The following RFC5 variants were observed in gnomAD, a reference collection of about 807,000 sequenced individuals.
RFC5 encodes A1 36 kDa subunit.
A neutral mutation model predicts 44.3 loss-of-function variants in RFC5; 26 were observed. The observed-to-expected ratio is 0.59, with a 90% CI of 0.43 to 0.81. The LOEUF (loss-of-function observed/expected upper bound fraction) is 0.81, where lower values mean the gene tolerates loss of function less well. RFC5 is among the 40% of genes least tolerant of loss of function. The pLI is 0.00. For synonymous variants in RFC5, 155 were observed against 155.2 expected (o/e 1.00, Z 0.01); for missense variants, 328 against 418.6 (o/e 0.78, Z 1.89).
chr12:118,030,278 A>G (rs1208370157), intron 10 of RFC5, among the ~76,000 whole-genome samples: 1 of 152,234 alleles, frequency 6.6e-6, no homozygotes, highest in African/African-American at 2.4e-5. Context: ...TTAAGTAGAC[A>G]GAGCATTGGG....
At chr12:118,034,696 C>T (rs1329126529), downstream of RFC5, 1 of 500,412 alleles carries the variant, frequency 2.0e-6, no homozygotes. Flanking sequence ...GGTCTTTTAG[C>T]CCTAAATGGT....
In RFC5 at chr12:118,019,090, A is replaced by G. The variant is rs375923650; in HGVS notation, c.84A>G (p.Pro28=). The G allele has an allele frequency of 1.2e-6, 2 of 1,611,770 alleles. No individual in the cohort carries two copies. The highest frequency in any genetic ancestry group is 2.7e-5 in the African/African-American group (2 of 74,898). ...RNLPWVEKYR[P]QTLNDLISHQ... ...ATTTCAGGGTTGAAAAATACCGGCCACAGACCCTGAATGATCTCATTTCTC... is the reference window on the plus strand; with the variant it reads ...ATTTCAGGGTTGAAAAATACCGGCCGCAGACCCTGAATGATCTCATTTCTC... Residue 28 remains proline, a synonymous_variant, in exon 2 of 11, where the codon CCA becomes CCG. Coordinates refer to ENST00000454402, the MANE Select transcript of RFC5 (RefSeq NM_007370.7). The surrounding 1 kb of genome is among the most constrained non-coding windows in gnomAD (Gnocchi z 4.2).
rs1430658406 is a variant in RFC5, at chr12:118,016,821, C to G, written c.-7C>G. 3 of 1,611,240 alleles carry G rather than the reference C, an allele frequency of 1.9e-6. No individual in the cohort carries two copies. Among genetic ancestry groups the G allele is most frequent in the Non-Finnish European group, 2.5e-6 (3 of 1,178,812 alleles). ...TCAGCGGATCTGGTCACCTTCGTCT[C>G]CCCGCCATGGAGACCTCAGCACTCA... On this transcript the variant is annotated 5_prime_UTR_variant, in exon 1 of 11. Transcript: ENST00000454402.
At chr12:118,018,914 G>A (rs2030293618) in intron 1 of RFC5, among the ~76,000 whole-genome samples, 158 bp from the exon 2 acceptor site, 2 of 152,282 alleles carry the variant, frequency 1.3e-5, no homozygotes, top group Admixed American at 6.5e-5. Context: ...GGGCTGGTTG[G>A]TCTTGAACTC....
chr12:118,024,710 C>T lies in RFC5; in HGVS notation c.422-141C>T, dbSNP rs573202930. 559 of 699,978 alleles carry T rather than the reference C, an allele frequency of 8.0e-4. 3 individuals are homozygous for T. Among genetic ancestry groups the T allele is most frequent in the South Asian group, 3.0e-3 (164 of 55,182 alleles). The allele number at this position is 699,978 out of a possible 1,614,324, so 43.4% of individuals were successfully genotyped here. A position where few individuals can be genotyped will look rare whatever the true frequency, so the allele number is the denominator to read the frequency against. On this transcript the variant is annotated intron_variant, in intron 5 of 10. Coordinates refer to ENST00000454402, the MANE Select transcript of RFC5 (RefSeq NM_007370.7). ...ACAGACGTGAGCCACTAAGCCACTA[C>T]GCCCGGCCAACATCCTCACTTGTTT...
rs5745832 is a variant in RFC5, at chr12:118,023,031, G to A, written c.421+672G>A. Among the ~76,000 whole-genome samples the A allele has an allele frequency of 5.4e-3, 813 of 151,760 alleles. 5 individuals are homozygous for A. The highest frequency in any genetic ancestry group is 0.019 in the African/African-American group (774 of 41,352). On this transcript the variant is annotated intron_variant, in intron 5 of 10. Coordinates refer to ENST00000454402, the MANE Select transcript of RFC5 (RefSeq NM_007370.7). ...CAGAGTTGGGAATTCATATCTTTCCGTGGGATGGGGTGTGGAAAATCTTTC... is the reference window on the plus strand; with the variant it reads ...CAGAGTTGGGAATTCATATCTTTCCATGGGATGGGGTGTGGAAAATCTTTC...
Position 118,025,848 on chromosome 12 carries a change from CTTTTTTTT to C in RFC5, c.663+31_663+38del. ...TTGCAGGTATGGTCTCAAGCAAATC[CTTTTTTTT>C]TTTTTTTTTTGAGACAGAGTCTTGC... On this transcript the variant is annotated intron_variant, in intron 7 of 10. Coordinates refer to ENST00000454402, the MANE Select transcript of RFC5 (RefSeq NM_007370.7). 4 of 1,009,336 alleles carry C rather than the reference CTTTTTTTT, an allele frequency of 4.0e-6. No homozygotes were observed. Among genetic ancestry groups the C allele is most frequent in the South Asian group, 1.5e-5 (1 of 68,802 alleles). The allele number at this position is 1,009,336 out of a possible 1,614,324, so 62.5% of individuals were successfully genotyped here.
chr12:118,034,364 A>G (rs1462930585), downstream of RFC5: 12 of 1,612,958 alleles, frequency 7.4e-6, no homozygotes, highest in Non-Finnish European at 1.0e-5. Context: ...TTGTCCTAAA[A>G]TGAAACAGAA....
intron 1 of RFC5, 94 bp from the exon 2 acceptor site, chr12:118,018,978 C>T: frequency 1.1e-6 from 1 of 935,478 alleles, no homozygotes; most frequent in East Asian, 2.6e-5. Flanking sequence ...GGATTACAGG[C>T]ATGAGCCACT....
chr12:118,036,731 A>C (rs1218795508), downstream of RFC5, among the ~76,000 whole-genome samples: 1 of 152,210 alleles, frequency 6.6e-6, no homozygotes, highest in Non-Finnish European at 1.5e-5. Flanking sequence ...CAAGGAGCTC[A>C]CTATAAGAGA....
intron 1 of RFC5, chr12:118,017,759 C>G: frequency 3.1e-6 from 2 of 650,616 alleles, no homozygotes; most frequent in Non-Finnish European, 5.5e-6. Context: ...TAACCTCAAA[C>G]ATTGGGGTTC....
At chr12:118,029,172 C>T (rs1252774890) in intron 9 of RFC5, among the ~76,000 whole-genome samples, 1 of 152,246 alleles carries the variant, frequency 6.6e-6, no homozygotes, top group Admixed American at 6.5e-5. Flanking sequence ...GTAATCCCAA[C>T]ACTTTGGGAA....
intron 7 of RFC5, 69 bp from the exon 8 acceptor site, chr12:118,026,820 G>T: frequency 6.4e-7 from 1 of 1,555,508 alleles, no homozygotes; most frequent in South Asian, 1.2e-5. Context: ...ATTTCTTCTT[G>T]GCTCCCTGCA....
chr12:118,019,494 G>GC lies in RFC5; in HGVS notation c.131-134dup. 1.2e-6 allele frequency: 1 copy of GC among 869,084 alleles called. No individual in the cohort carries two copies. The highest frequency in any genetic ancestry group is 1.8e-6 in the Non-Finnish European group (1 of 547,106). 53.8% of individuals were successfully genotyped at this position (869,084 alleles called of 1,614,324 possible). ...GTTGTTCCACGAAAGTAGATATGAG[G>GC]CCCCTACATCAAGTTGTATCTGCCT... On this transcript the variant is annotated intron_variant, in intron 2 of 10. Coordinates refer to ENST00000454402, the MANE Select transcript of RFC5 (RefSeq NM_007370.7). The surrounding 1 kb of genome is among the most constrained non-coding windows in gnomAD (Gnocchi z 4.2).
downstream of RFC5, among the ~76,000 whole-genome samples, chr12:118,037,101 G>A (rs1178305818): frequency 6.6e-6 from 1 of 152,130 alleles, no homozygotes; most frequent in Non-Finnish European, 1.5e-5. Flanking sequence ...AGAATCACTT[G>A]AGCCTGGTAG....
intron 3 of RFC5, among the ~76,000 whole-genome samples, chr12:118,020,233 G>T (rs1056979271): frequency 6.6e-6 from 1 of 152,186 alleles, no homozygotes; most frequent in Admixed American, 6.5e-5. Flanking sequence ...GCTGACACAG[G>T]CTGGCAGCAT....
At chr12:118,037,678 AAAAAGAAAAG>A (rs1162965546), downstream of RFC5, among the ~76,000 whole-genome samples, 3 of 151,366 alleles carry the variant, frequency 2.0e-5, no homozygotes, top group African/African-American at 2.4e-5. Context: ...AAAAAAAAAA[AAAAAGAAAAG>A]AAAAGAAAAG....
At chr12:118,038,880 C>T in the RFC5 span, among the ~76,000 whole-genome samples, 26 of 152,208 alleles carry the variant, frequency 1.7e-4, no homozygotes, top group Non-Finnish European at 3.1e-4. Context: ...AGGGTTTCAC[C>T]ATATTGGCCA....
chr12:118,041,032 C>T, the RFC5 span, among the ~76,000 whole-genome samples: 1 of 152,158 alleles, frequency 6.6e-6, no homozygotes, highest in Non-Finnish European at 1.5e-5. Flanking sequence ...CTGGGTGACA[C>T]AGTGAGACTC....
Sources: gnomAD v4.1 joint callset for allele counts (sites outside exome capture counted in the v4.1 genomes callset) on GRCh38, gnomAD v4.1.1 for gene constraint, Gnocchi (gnomAD v3.1) non-coding constraint, MANE v1.5 for transcripts, NCBI Gene and HGNC (gene_info 2026-07-23, HGNC 2026-07-21) for gene names.